The following OR9Q1 variants were observed in gnomAD, a reference collection of about 807,000 sequenced individuals.
OR9Q1 encodes olfactory receptor family 9 subfamily Q member 1.
For synonymous variants in OR9Q1, 153 were observed against 148.6 expected, an observed-to-expected ratio of 1.03 and a Z score of -0.22; for missense variants, 374 against 378.8, an observed-to-expected ratio of 0.99 and a Z score of 0.11.
chr11:58,044,075 G>T (rs1387218967), intron 1 of OR9Q1: 1 of 152,220 alleles, frequency 6.6e-6, no homozygotes, highest in Non-Finnish European at 1.5e-5. Context: ...TATGGCAAAT[G>T]TTAAACTAAG....
At chr11:58,067,686 C>T (rs1170640069) in intron 2 of OR9Q1, among the ~76,000 whole-genome samples, 2 of 152,174 alleles carry the variant, frequency 1.3e-5, no homozygotes, top group Non-Finnish European at 2.9e-5. Flanking sequence ...CCTATTTGGT[C>T]CTCATGATAG....
rs1359950291 is a variant in OR9Q1, at chr11:58,179,872, G to A, written c.428G>A (p.Ser143Asn). ...ATCCTGACACAGCAGGCCCGCTTGAGTCTTGTGGCTGGGGCTTACGTTGCT... is the reference window on the plus strand; with the variant it reads ...ATCCTGACACAGCAGGCCCGCTTGAATCTTGTGGCTGGGGCTTACGTTGCT... ...VTILTQQARL[S>N]LVAGAYVAGL... The change falls in exon 3 of 3, where the codon AGT (serine) becomes AAT (asparagine). Residue 143 changes from serine (S) to asparagine (N), a missense_variant. By Grantham distance (46) the Ser-to-Asn change is conservative. Transcript: ENST00000335397. The A allele has an allele frequency of 8.1e-6, 13 of 1,614,184 alleles. No individual in the cohort carries two copies. The highest frequency in any genetic ancestry group is 3.3e-5 in the Admixed American group (2 of 60,028).
At chr11:58,024,803 T>C (rs1350484300) in intron 1 of OR9Q1, among the ~76,000 whole-genome samples, 1 of 152,170 alleles carries the variant, frequency 6.6e-6, no homozygotes, top group African/African-American at 2.4e-5. Context: ...CACTGGAGCC[T>C]GTGGGATATT....
At chr11:58,141,573 T>G (rs1373953472) in intron 2 of OR9Q1, among the ~76,000 whole-genome samples, 3 of 152,220 alleles carry the variant, frequency 2.0e-5, no homozygotes, top group Non-Finnish European at 4.4e-5. Context: ...TGAGGCCCAC[T>G]TGATCATGGT....
At chr11:58,087,234 AT>A (rs1424617898) in intron 2 of OR9Q1, among the ~76,000 whole-genome samples, 2 of 151,782 alleles carry the variant, frequency 1.3e-5, no homozygotes, top group Non-Finnish European at 2.9e-5. Flanking sequence ...ATTTTTACAA[AT>A]TTAATGCATC....
chr11:58,128,793 C>T (rs1412864745), intron 2 of OR9Q1, among the ~76,000 whole-genome samples: 2 of 151,936 alleles, frequency 1.3e-5, no homozygotes, highest in East Asian at 1.9e-4. Flanking sequence ...GTCAAAACAT[C>T]GCATAAAAAT....
At position 58,137,364 on chromosome 11, in the gene OR9Q1, A is replaced by G. The variant is rs1854199242; in HGVS notation, c.-14-42067A>G. ...CCTCCGGGGGTGCAGGCTCCCTGTT[A>G]TAGTTTGATTCTGATGAGACCCCTG... On this transcript the variant is annotated intron_variant, in intron 2 of 2. Coordinates refer to ENST00000335397, the MANE Select transcript of OR9Q1 (RefSeq NM_001005212.4). 2.0e-5 allele frequency among the ~76,000 whole-genome samples: 3 copies of G among 152,082 alleles called. No individual in the cohort carries two copies. In the South Asian group the frequency reaches 6.2e-4, roughly 31 times the overall value.
chr11:58,047,981 A>G (rs187283483), intron 1 of OR9Q1, among the ~76,000 whole-genome samples: 11 of 152,264 alleles, frequency 7.2e-5, no homozygotes, highest in Non-Finnish European at 1.5e-4. Context: ...CACTTTATGA[A>G]AAAAGAGCTC....
At chr11:58,042,787 G>A (rs1590551531) in intron 1 of OR9Q1, among the ~76,000 whole-genome samples, 2 of 152,340 alleles carry the variant, frequency 1.3e-5, no homozygotes, top group East Asian at 3.8e-4. Flanking sequence ...AGCATGGAAT[G>A]TTCTTCCATT....
intron 1 of OR9Q1, among the ~76,000 whole-genome samples, chr11:58,024,353 GTTTT>G (rs35126252): frequency 6.6e-6 from 1 of 150,610 alleles, no homozygotes; most frequent in Non-Finnish European, 1.5e-5. Context: ...TTTGTTGGCT[GTTTT>G]TTTTTGAAAT....
intron 2 of OR9Q1, among the ~76,000 whole-genome samples, chr11:58,147,783 C>T (rs1854313057): frequency 6.6e-6 from 1 of 152,136 alleles, no homozygotes; most frequent in African/African-American, 2.4e-5. Flanking sequence ...TAAAAACATT[C>T]ATAAATTACC....
chr11:58,050,313 T>C (rs28853110), intron 1 of OR9Q1, among the ~76,000 whole-genome samples: 2 of 142,384 alleles, frequency 1.4e-5, no homozygotes, highest in African/African-American at 5.2e-5. Flanking sequence ...AACTATCTGA[T>C]CTTTGACAAA....
chr11:58,176,917 G>T (rs994503763), intron 2 of OR9Q1, among the ~76,000 whole-genome samples: 3 of 152,118 alleles, frequency 2.0e-5, no homozygotes, highest in African/African-American at 7.2e-5. Context: ...TGACCTTTTA[G>T]ACATTAAGGA....
At chr11:58,073,242 CAAT>C (rs1853505521) in intron 2 of OR9Q1, 1 of 220,372 alleles carries the variant, frequency 4.5e-6, no homozygotes, top group Admixed American at 4.5e-5. Context: ...GTGTATGACT[CAAT>C]AAGCTCTCTC....
intron 2 of OR9Q1, among the ~76,000 whole-genome samples, chr11:58,121,085 T>C (rs1213612315): frequency 1.3e-5 from 2 of 152,140 alleles, no homozygotes; most frequent in Non-Finnish European, 2.9e-5. Flanking sequence ...AATATTGTGA[T>C]TGGATACACA....
Position 58,165,136 on chromosome 11 carries a change from G to A in OR9Q1, c.-14-14295G>A, listed in dbSNP as rs150022201. Among the ~76,000 whole-genome samples, 8 of 152,242 alleles carry A rather than the reference G, an allele frequency of 5.3e-5. No individual in the cohort carries two copies. In the East Asian group the frequency reaches 1.5e-3, roughly 29 times the overall value. On this transcript the variant is annotated intron_variant, in intron 2 of 2. Transcript: ENST00000335397. ...AAGAATGCAAGCTCATAGGAGCAGG[G>A]TTCTCCCCTGTGCCCCCATGCCTAA...
chr11:58,025,551 A>T (rs1347511863), intron 1 of OR9Q1, among the ~76,000 whole-genome samples: 1 of 152,130 alleles, frequency 6.6e-6, no homozygotes, highest in Non-Finnish European at 1.5e-5. Context: ...ACATGACCCG[A>T]AGACGTGTTG....
At chr11:58,116,391 G>A (rs1181685223) in intron 2 of OR9Q1, among the ~76,000 whole-genome samples, 1 of 152,192 alleles carries the variant, frequency 6.6e-6, no homozygotes, top group African/African-American at 2.4e-5. Context: ...GAATAGCTGG[G>A]TCACTGGTTA....
intron 2 of OR9Q1, among the ~76,000 whole-genome samples, chr11:58,083,063 GT>G (rs1853604509): frequency 6.6e-6 from 1 of 151,822 alleles, no homozygotes; most frequent in African/African-American, 2.4e-5. Flanking sequence ...ATTGCTTTTG[GT>G]GTTTTAGTCA....
Sources: allele counts gnomAD v4.1 joint callset (sites outside exome capture counted in the v4.1 genomes callset), GRCh38; gene constraint gnomAD v4.1.1; transcripts MANE v1.5; gene names NCBI Gene and HGNC (gene_info 2026-07-23, HGNC 2026-07-21).